CCNY: variants seen among roughly 807,000 people sequenced by gnomAD.
The protein encoded by CCNY is cyclin Y.
A neutral mutation model predicts 42.8 loss-of-function variants in CCNY; 19 were observed. That is an observed-to-expected ratio of 0.44 (90% CI 0.31 to 0.65). CCNY has a LOEUF of 0.65. Among genes scored for constraint, CCNY ranks in the 30% least tolerant of loss-of-function variants. The pLI is 0.07. For missense variants in CCNY, 370 were observed against 437.3 expected, an observed-to-expected ratio of 0.85 and a Z score of 1.37; for synonymous variants, 165 against 162.7, an observed-to-expected ratio of 1.01 and a Z score of -0.11.
At chr10:35,353,437 G>C (rs1054377768) in intron 1 of CCNY, among the ~76,000 whole-genome samples, 3 of 152,212 alleles carry the variant, frequency 2.0e-5, no homozygotes, top group African/African-American at 7.2e-5. Flanking sequence ...AGACAGAATA[G>C]ACATCTTTAG....
chr10:35,483,515 G>T, intron 2 of CCNY, 37 bp downstream of exon 2: 1 of 1,328,962 alleles, frequency 7.5e-7, no homozygotes, highest in Non-Finnish European at 1.1e-6. Context: ...TGTAAAAAAG[G>T]CTCATGTTGG....
Position 35,283,014 on chromosome 10 carries a change from C to T in CCNY, c.-9+32388C>T, listed in dbSNP as rs541292156. Among the ~76,000 whole-genome samples the T allele has an allele frequency of 5.3e-5, 8 of 152,280 alleles. No homozygotes were observed. In the South Asian group the frequency reaches 6.2e-4, roughly 12 times the overall value. On this transcript the variant is annotated intron_variant, in intron 3 of 11. Coordinates refer to the CCNY transcript ENST00000374706. ...GATGTGCTGCACATTGAGCGAACTTCACCTGGGTGTCACCACCCCACTGGG... is the reference window on the plus strand; with the variant it reads ...GATGTGCTGCACATTGAGCGAACTTTACCTGGGTGTCACCACCCCACTGGG...
chr10:35,338,947 A>G (rs1564373544), intron 1 of CCNY, among the ~76,000 whole-genome samples: 1 of 152,240 alleles, frequency 6.6e-6, no homozygotes, highest in Non-Finnish European at 1.5e-5. Flanking sequence ...GTACAGTGAA[A>G]TGATATTGTG....
rs372534798 is a variant in CCNY at position 35,253,542 on chromosome 10, C to T, written c.-9+2916C>T. On this transcript the variant is annotated intron_variant, in intron 3 of 11. Coordinates refer to the CCNY transcript ENST00000374706. ...ATCCTCCCACCTTGACCTCCTAAAG[C>T]ATTGGGATTACAGGCATGAGCCACC... 4.7e-5 allele frequency among the ~76,000 whole-genome samples: 7 copies of T among 148,400 alleles called. No individual in the cohort carries two copies. The East Asian group carries it at 1.4e-3, about 30-fold the overall frequency.
At chr10:35,465,938 A>AGAGAGTGTGTGT in intron 1 of CCNY, among the ~76,000 whole-genome samples, 5 of 81,034 alleles carry the variant, frequency 6.2e-5, no homozygotes, top group East Asian at 7.8e-4. Context: ...AGAGAGAGAG[A>AGAGAGTGTGTGT]GTGTGTGTGT....
rs191225114 is a variant in CCNY, at chr10:35,516,813, A to T, written c.365+190A>T. Among the ~76,000 whole-genome samples, 13 of 151,928 alleles carry T rather than the reference A, an allele frequency of 8.6e-5. No individual in the cohort carries two copies. The East Asian group carries it at 2.3e-3, about 27-fold the overall frequency. ...CACTGATAATTCAGGAAATCTTTTT[A>T]AAAAATGATTTTGGTAGTTAAGTGT... On this transcript the variant is annotated intron_variant, in intron 4 of 9. Transcript: ENST00000374704.
intron 3 of CCNY, among the ~76,000 whole-genome samples, chr10:35,505,077 AATT>A (rs1840187692): frequency 6.6e-6 from 1 of 150,896 alleles, no homozygotes; most frequent in South Asian, 2.1e-4. Flanking sequence ...TGAATCTTTT[AATT>A]AAAGTGTAAA....
intron 1 of CCNY, among the ~76,000 whole-genome samples, chr10:35,475,195 C>T (rs938593205): frequency 1.3e-5 from 2 of 151,756 alleles, no homozygotes; most frequent in African/African-American, 4.8e-5. Context: ...GAGAATGGAA[C>T]CAAGTTGGAA....
chr10:35,410,703 C>T (rs1335660651), intron 1 of CCNY, among the ~76,000 whole-genome samples: 1 of 152,216 alleles, frequency 6.6e-6, no homozygotes, highest in Admixed American at 6.5e-5. Context: ...TCAGTGCAAG[C>T]ATACCAGCTT....
At chr10:35,438,516 A>G (rs989657797) in intron 1 of CCNY, among the ~76,000 whole-genome samples, 15 of 152,014 alleles carry the variant, frequency 9.9e-5, no homozygotes, top group Admixed American at 9.2e-4. Flanking sequence ...TGTTAAGTTA[A>G]CCAGCCCTCT....
chr10:35,389,463 C>T (rs980995721), intron 1 of CCNY, among the ~76,000 whole-genome samples: 1 of 133,054 alleles, frequency 7.5e-6, no homozygotes, highest in Non-Finnish European at 1.6e-5. Flanking sequence ...TTTTTTGAGA[C>T]GGAGTCTAGC....
intron 8 of CCNY, among the ~76,000 whole-genome samples, chr10:35,562,526 C>T (rs951739317): frequency 8.5e-5 from 13 of 152,196 alleles, no homozygotes; most frequent in African/African-American, 2.9e-4. Context: ...TCTCTGTGAA[C>T]TTCACTACTT....
At chr10:35,399,105 G>C (rs992998461) in intron 1 of CCNY, among the ~76,000 whole-genome samples, 1 of 152,262 alleles carries the variant, frequency 6.6e-6, no homozygotes, top group Non-Finnish European at 1.5e-5. Context: ...GAAAGCATGA[G>C]CTGATTGGGT....
intron 1 of CCNY, among the ~76,000 whole-genome samples, chr10:35,433,317 T>G (rs1028837958): frequency 6.6e-6 from 1 of 152,218 alleles, no homozygotes; most frequent in African/African-American, 2.4e-5. Context: ...AGCTTTTAAA[T>G]TTACTTTTTT....
intron 1 of CCNY, among the ~76,000 whole-genome samples, chr10:35,418,829 A>ATAG (rs1838084021): frequency 6.6e-6 from 1 of 151,722 alleles, no homozygotes; most frequent in South Asian, 2.1e-4. Context: ...TGGGGATATA[A>ATAG]TAGTAGTTTT....
chr10:35,330,433 T>C (rs1018036252), intron 3 of CCNY, among the ~76,000 whole-genome samples: 3 of 152,190 alleles, frequency 2.0e-5, no homozygotes, highest in Non-Finnish European at 2.9e-5. Flanking sequence ...GTACACATGA[T>C]AGCCCCACAG....
intron 1 of CCNY, among the ~76,000 whole-genome samples, chr10:35,473,641 G>T (rs78439216): frequency 6.6e-6 from 1 of 152,206 alleles, no homozygotes; most frequent in East Asian, 1.9e-4. Context: ...TAAACTGTTA[G>T]AGCTGACTTC....
chr10:35,479,272 T>C (rs1342750605), intron 1 of CCNY, among the ~76,000 whole-genome samples: 1 of 151,398 alleles, frequency 6.6e-6, no homozygotes, highest in Non-Finnish European at 1.5e-5. Flanking sequence ...ACCCAAAGGA[T>C]TATAAATCAT....
intron 3 of CCNY, among the ~76,000 whole-genome samples, chr10:35,327,313 A>G (rs1463400752): frequency 6.6e-6 from 1 of 152,204 alleles, no homozygotes; most frequent in Non-Finnish European, 1.5e-5. Flanking sequence ...CTTTCTTTCT[A>G]TAACAATAAA....
Sources: allele counts gnomAD v4.1 joint callset (sites outside exome capture counted in the v4.1 genomes callset), GRCh38; gene constraint gnomAD v4.1.1; transcripts MANE v1.5; gene names NCBI Gene and HGNC (gene_info 2026-07-23, HGNC 2026-07-21).